DZIP3: variants seen among roughly 807,000 people sequenced by gnomAD.
DZIP3 encodes the protein DAZ interacting zinc finger protein 3.
Under a neutral mutation model 162.0 loss-of-function variants are expected in DZIP3, and 118 were observed. That is an observed-to-expected ratio of 0.73 (90% confidence interval 0.63 to 0.85). The LOEUF (loss-of-function observed/expected upper bound fraction) is 0.85, where lower values mean the gene tolerates loss of function less well. DZIP3 is among the 40% of genes least tolerant of loss of function. The pLI, the probability that DZIP3 is intolerant of heterozygous loss-of-function variation, is 0.00. For synonymous variants in DZIP3, 438 were observed against 458.6 expected (o/e 0.96, Z 0.57); for missense variants, 1,331 against 1,407.0 (o/e 0.95, Z 0.86).
intron 12 of DZIP3, among the ~76,000 whole-genome samples, chr3:108,640,543 T>G (rs951957510): frequency 7.9e-5 from 12 of 151,932 alleles, no homozygotes; most frequent in Non-Finnish European, 1.5e-5. Context: ...CCTCCCAGGT[T>G]CAAGTGATTC....
chr3:108,650,926 A>G (rs556401993), intron 17 of DZIP3, among the ~76,000 whole-genome samples: 36 of 151,780 alleles, frequency 2.4e-4, no homozygotes, highest in African/African-American at 8.7e-4. Context: ...ATCACATACA[A>G]TATGAGTAAG....
At chr3:108,646,762 G>C in intron 15 of DZIP3, 113 bp downstream of exon 15, 1 of 809,616 alleles carries the variant, frequency 1.2e-6, no homozygotes, top group East Asian at 3.0e-5. Context: ...AAGAACTTGG[G>C]CCAGGCGCAG....
At chr3:108,615,260 T>C (rs1188975869) in intron 4 of DZIP3, among the ~76,000 whole-genome samples, 1 of 152,244 alleles carries the variant, frequency 6.6e-6, no homozygotes, top group Admixed American at 6.5e-5. Context: ...CTTGTCCCGT[T>C]GTTTTAGTTA....
intron 21 of DZIP3, among the ~76,000 whole-genome samples, chr3:108,665,538 G>A (rs1943631629): frequency 6.6e-6 from 1 of 152,074 alleles, no homozygotes. Context: ...CAGAATGAGA[G>A]AGAGACTGAA....
chr3:108,659,582 C>G (rs1465065965), intron 19 of DZIP3, among the ~76,000 whole-genome samples: 1 of 151,758 alleles, frequency 6.6e-6, no homozygotes, highest in Non-Finnish European at 1.5e-5. Flanking sequence ...TGGCACAAGA[C>G]AGGGATGCCC....
intron 21 of DZIP3, among the ~76,000 whole-genome samples, chr3:108,667,480 A>G (rs1366284911): frequency 6.6e-6 from 1 of 152,158 alleles, no homozygotes; most frequent in African/African-American, 2.4e-5. Context: ...CCAAGGTTAT[A>G]AGAAGGGGAT....
At chr3:108,631,722 A>C (rs781416224) in intron 8 of DZIP3, among the ~76,000 whole-genome samples, 3 of 150,214 alleles carry the variant, frequency 2.0e-5, no homozygotes, top group Non-Finnish European at 4.4e-5. Flanking sequence ...TTTAACTTCT[A>C]ATCAACTTCT....
intron 3 of DZIP3, among the ~76,000 whole-genome samples, chr3:108,610,489 C>T (rs573898225): frequency 7.9e-5 from 12 of 152,268 alleles, no homozygotes; most frequent in South Asian, 4.1e-4. Context: ...GTGAGTTAGC[C>T]CATACAAGGG....
rs1443665897 is a variant in DZIP3, at chr3:108,693,541, A to G, written c.*188A>G. On this transcript the variant is annotated 3_prime_UTR_variant, in exon 33 of 33. Transcript: ENST00000361582. Reference sequence around the variant, plus strand: ...AGTATTTACACCATAGAAATGCTATAAGTGAAGACCTACCTTTCCCTTAAG... The same window carrying G: ...AGTATTTACACCATAGAAATGCTATGAGTGAAGACCTACCTTTCCCTTAAG... The G allele has an allele frequency of 6.6e-6, 1 of 152,140 alleles. No homozygotes were observed. Among genetic ancestry groups the G allele is most frequent in the Non-Finnish European group, 1.5e-5 (1 of 68,012 alleles). The allele number at this position is 152,140 out of a possible 1,614,324, so 9.4% of individuals were successfully genotyped here.
At chr3:108,662,356 C>T in intron 21 of DZIP3, 99 bp downstream of exon 21, 1 of 1,384,680 alleles carries the variant, frequency 7.2e-7, no homozygotes, top group South Asian at 1.7e-5. Context: ...ACTGTGACTA[C>T]ACATTAGGAA....
chr3:108,662,056 C>G lies in DZIP3; in HGVS notation c.2296-74C>G. The G allele has an allele frequency of 1.9e-6, 3 of 1,564,246 alleles. No homozygotes were observed. The South Asian group carries it at 3.6e-5, about 19-fold the overall frequency. On this transcript the variant is annotated intron_variant, in intron 20 of 32. Transcript: ENST00000361582. ...ACTGGTGCTTTCTGTTTGAAAAGAA[C>G]TTAGTTTGCTTTTTTCTTTCAATTT...
At position 108,688,713 on chromosome 3, in the gene DZIP3, A is replaced by C. The variant is rs1253423036; in HGVS notation, c.3391A>C (p.Thr1131Pro). The C allele has an allele frequency of 6.2e-7, 1 of 1,614,076 alleles. No individual in the cohort carries two copies. Among genetic ancestry groups the C allele is most frequent in the Non-Finnish European group, 8.5e-7 (1 of 1,179,978 alleles). Reference sequence around the variant, plus strand: ...GCCACTCACTTCACAGGGTCCTGCCACATGGGAAGGAGCCAGTAATCCAGT... The same window carrying C: ...GCCACTCACTTCACAGGGTCCTGCCCCATGGGAAGGAGCCAGTAATCCAGT... Reference protein sequence around the residue: ...WRPLTSQGPATWEGASNPDEE... With the variant: ...WRPLTSQGPAPWEGASNPDEE... The change falls in exon 30 of 33, where the codon ACA becomes CCA. Residue 1131 changes from threonine to proline, a missense_variant. Thr to Pro is a conservative substitution (Grantham distance 38, BLOSUM62 -1). This residue lies in a region of DZIP3 where 1,278 missense variants were observed against 1,317.1 expected (regional missense o/e 0.97). Transcript: ENST00000361582.
intron 5 of DZIP3, among the ~76,000 whole-genome samples, chr3:108,620,073 G>T (rs936874682): frequency 3.3e-5 from 5 of 152,088 alleles, no homozygotes; most frequent in African/African-American, 1.2e-4. Flanking sequence ...TAGATCATAT[G>T]GGGAAAAGAC....
chr3:108,687,784 G>T (rs1489107255), intron 28 of DZIP3, among the ~76,000 whole-genome samples, 192 bp from the exon 29 acceptor site: 2 of 152,102 alleles, frequency 1.3e-5, no homozygotes, highest in Admixed American at 6.6e-5. Context: ...ACACAATTAG[G>T]AGTTTTCCTT....
At chr3:108,647,086 C>G (rs544280487) in intron 15 of DZIP3, among the ~76,000 whole-genome samples, 2 of 152,250 alleles carry the variant, frequency 1.3e-5, no homozygotes, top group East Asian at 3.9e-4. Context: ...CACCACTGGT[C>G]TGGCTGAATC....
rs1446919251 is a variant in DZIP3, at chr3:108,688,079, G to T, written c.3253G>T (p.Asp1085Tyr). 1 of 1,613,416 alleles carries T rather than the reference G, an allele frequency of 6.2e-7. No individual in the cohort carries two copies. The highest frequency in any genetic ancestry group is 1.1e-5 in the South Asian group (1 of 91,058). Residue 1085 changes from aspartate to tyrosine, a missense_variant, in exon 29 of 33, where the codon GAC becomes TAC. Transcript: ENST00000361582. ...EIVCKISQFI[D>Y]PKKSQSQGKS... is the part of the protein sequence containing the mutation. ...TGTTTGCAAGATTTCCCAGTTTATT[G>T]ACCCCAAAAAGTCTCAGGTAAAATG...
chr3:108,621,230 A>G (rs1231106966), intron 5 of DZIP3, among the ~76,000 whole-genome samples: 1 of 152,190 alleles, frequency 6.6e-6, no homozygotes, highest in African/African-American at 2.4e-5. Context: ...GACAGAGTGA[A>G]TGAGAGTTTT....
At chr3:108,689,186 G>C (rs981769960) in intron 31 of DZIP3, among the ~76,000 whole-genome samples, 1 of 152,162 alleles carries the variant, frequency 6.6e-6, no homozygotes, top group African/African-American at 2.4e-5. Flanking sequence ...CAGTTCCTTC[G>C]AATAGAACTG....
chr3:108,684,101 T>C (rs1000287102), intron 26 of DZIP3, 115 bp from the exon 27 acceptor site: 1 of 1,221,900 alleles, frequency 8.2e-7, no homozygotes, highest in African/African-American at 1.5e-5. Flanking sequence ...TATCTTGAGT[T>C]CAAATGAGTG....
Sources: gnomAD v4.1 joint callset for allele counts (sites outside exome capture counted in the v4.1 genomes callset) on GRCh38, gnomAD v4.1.1 for gene constraint, gnomAD v4.1.1 regional missense constraint, MANE v1.5 for transcripts, NCBI Gene and HGNC (gene_info 2026-07-23, HGNC 2026-07-21) for gene names.